ACTR3C: variants seen among roughly 807,000 people sequenced by gnomAD.
ACTR3C encodes the protein actin related protein 3C, also known as actin-related protein 3C.
ACTR3C carries 18 observed loss-of-function variants against 26.3 expected under a neutral mutation model. That is an observed-to-expected ratio of 0.68 (90% confidence interval 0.47 to 1.01). ACTR3C has a LOEUF of 1.01. Among genes scored for constraint, ACTR3C ranks in the 50% least tolerant of loss-of-function variants. ACTR3C has a pLI of 0.00. For missense variants in ACTR3C, 184 were observed against 250.7 expected, an observed-to-expected ratio of 0.73 and a Z score of 1.80; for synonymous variants, 55 against 94.5, an observed-to-expected ratio of 0.58 and a Z score of 2.42.
the ACTR3C span, among the ~76,000 whole-genome samples, chr7:150,150,198 A>G: frequency 0.81 from 121,854 of 149,722 alleles, 49,048 homozygotes; most frequent in East Asian, 0.97. Flanking sequence ...TCAGGGATTG[A>G]TTTTCCATGC....
intron 1 of ACTR3C, among the ~76,000 whole-genome samples, chr7:150,301,739 A>T (rs2689436): frequency 0.044 from 6,368 of 145,658 alleles, 577 homozygotes; most frequent in African/African-American, 0.17. Context: ...TGGATGAAGC[A>T]TGAAGACGCT....
At chr7:150,118,406 GA>G in the ACTR3C span, among the ~76,000 whole-genome samples, 1 of 151,706 alleles carries the variant, frequency 6.6e-6, no homozygotes, top group Non-Finnish European at 1.5e-5. Flanking sequence ...TGATGGAGCT[GA>G]AAAACACAGC....
At chr7:150,255,158 C>T (rs181828234) in intron 6 of ACTR3C, among the ~76,000 whole-genome samples, 42 of 150,298 alleles carry the variant, frequency 2.8e-4, no homozygotes, top group Admixed American at 9.3e-4. Flanking sequence ...CTGTAGATTG[C>T]GTGTTCAATG....
At chr7:150,192,403 A>G in the ACTR3C span, among the ~76,000 whole-genome samples, 3 of 151,952 alleles carry the variant, frequency 2.0e-5, no homozygotes, top group African/African-American at 7.3e-5. Flanking sequence ...GGCTCAAGAG[A>G]TCCTCCTGGG....
the ACTR3C span, among the ~76,000 whole-genome samples, chr7:150,032,968 A>AG: frequency 2.6e-5 from 4 of 152,108 alleles, no homozygotes; most frequent in African/African-American, 9.7e-5. Context: ...GATGTGCAAA[A>AG]GGTCTGCTGG....
the ACTR3C span, among the ~76,000 whole-genome samples, chr7:150,041,744 A>G: frequency 7.6e-6 from 1 of 132,230 alleles, no homozygotes; most frequent in Non-Finnish European, 1.6e-5. Context: ...GGGGGTCCTA[A>G]GAGCCAGGGG....
chr7:150,314,122 G>A (rs1364050456), intron 1 of ACTR3C, among the ~76,000 whole-genome samples: 2 of 152,180 alleles, frequency 1.3e-5, no homozygotes, highest in Non-Finnish European at 2.9e-5. Context: ...ATGGCAGCTT[G>A]CTCATGTGGC....
the ACTR3C span, among the ~76,000 whole-genome samples, chr7:150,224,554 A>T: frequency 6.6e-6 from 1 of 152,234 alleles, no homozygotes; most frequent in Non-Finnish European, 1.5e-5. Flanking sequence ...CACCTGTTCC[A>T]TAAAAAGAGA....
the ACTR3C span, among the ~76,000 whole-genome samples, chr7:150,235,031 C>T: frequency 3.9e-5 from 6 of 152,296 alleles, no homozygotes; most frequent in East Asian, 1.2e-3. Context: ...CACATTAGCA[C>T]TAGGCTTTTG....
rs148551299 is a variant in ACTR3C, at chr7:150,318,866, C to T, written c.-52+4603G>A. 3.1e-3 allele frequency among the ~76,000 whole-genome samples: 466 copies of T among 152,312 alleles called. 3 individuals carry two copies. The highest frequency in any genetic ancestry group is 0.011 in the African/African-American group (457 of 41,572). ...AGTGTTTCTCAAAAGCTTACATAAA[C>T]CATGTGATTCTCATGCATTTCACTC... On this transcript the variant is annotated intron_variant, in intron 1 of 7. Coordinates refer to ENST00000683684, the MANE Select transcript of ACTR3C (RefSeq NM_001164458.2).
At chr7:150,088,955 C>T in the ACTR3C span, among the ~76,000 whole-genome samples, 280 of 152,250 alleles carry the variant, frequency 1.8e-3, no homozygotes, top group Middle Eastern at 0.01. Context: ...TAAAAACTCG[C>T]TTTTTTTGTT....
intron 1 of ACTR3C, among the ~76,000 whole-genome samples, chr7:150,311,241 G>A (rs10237116): frequency 3.9e-5 from 6 of 152,138 alleles, no homozygotes; most frequent in East Asian, 3.9e-4. Context: ...ACCTTTTTCC[G>A]TCCACACAGC....
At chr7:150,013,351 C>G in the ACTR3C span, among the ~76,000 whole-genome samples, 17 of 151,918 alleles carry the variant, frequency 1.1e-4, no homozygotes, top group African/African-American at 4.1e-4. Context: ...CTTCTTGGGA[C>G]CCCTCAGAAC....
the ACTR3C span, among the ~76,000 whole-genome samples, chr7:149,940,939 G>A: frequency 6.6e-6 from 1 of 151,760 alleles, no homozygotes; most frequent in Non-Finnish European, 1.5e-5. Context: ...CTGAAGGAAG[G>A]CACTGCCAGG....
At position 150,298,933 on chromosome 7, in the gene ACTR3C, A is replaced by G. The variant is rs1285589036; in HGVS notation, c.-51-3586T>C. Among the ~76,000 whole-genome samples the G allele has an allele frequency of 2.7e-5, 4 of 150,866 alleles. No individual in the cohort carries two copies. In the South Asian group the frequency reaches 8.3e-4, roughly 31 times the overall value. ...AGAAAGGTGTCTCCATTCCGTATACATTCTTAAATATCCTTCTGCTTCAAC... is the reference window on the plus strand; with the variant it reads ...AGAAAGGTGTCTCCATTCCGTATACGTTCTTAAATATCCTTCTGCTTCAAC... On this transcript the variant is annotated intron_variant, in intron 1 of 7. Transcript: ENST00000683684.
the ACTR3C span, among the ~76,000 whole-genome samples, chr7:150,033,362 T>G: frequency 2.0e-4 from 30 of 152,364 alleles, no homozygotes; most frequent in Admixed American, 1.4e-3. Flanking sequence ...GCTCTGTCCC[T>G]GGAGGCTTCC....
the ACTR3C span, among the ~76,000 whole-genome samples, chr7:149,949,308 G>A: frequency 1.6e-4 from 23 of 143,640 alleles, no homozygotes; most frequent in Non-Finnish European, 3.0e-4. Flanking sequence ...CCTGGGAGAC[G>A]GAGGTTGCAG....
the ACTR3C span, among the ~76,000 whole-genome samples, chr7:150,186,286 T>C: frequency 2.0e-5 from 3 of 152,180 alleles, no homozygotes; most frequent in African/African-American, 4.8e-5. Context: ...ATAATAAATA[T>C]GTCAGGGAAA....
chr7:150,312,428 C>T (rs975615974), intron 1 of ACTR3C, among the ~76,000 whole-genome samples: 15 of 152,340 alleles, frequency 9.8e-5, no homozygotes, highest in African/African-American at 3.4e-4. Flanking sequence ...GGCTTAACAA[C>T]AGGGAATCCC....
Sources: allele counts gnomAD v4.1 joint callset (sites outside exome capture counted in the v4.1 genomes callset), GRCh38; gene constraint gnomAD v4.1.1; transcripts MANE v1.5; gene names NCBI Gene and HGNC (gene_info 2026-07-23, HGNC 2026-07-21).